Variants in FARP1 observed in about 807,000 individuals in gnomAD.
FARP1 encodes the protein FERM, ARHGEF and pleckstrin domain-containing protein 1.
FARP1 carries 52 observed loss-of-function variants against 128.8 expected under a neutral mutation model. The ratio of observed to expected loss-of-function variants is 0.40; its 90% confidence interval spans 0.32 to 0.51. The LOEUF is 0.51. Among genes scored for constraint, FARP1 ranks in the 20% least tolerant of loss-of-function variants. The pLI is 0.45. For synonymous variants in FARP1, 580 were observed against 551.8 expected (o/e 1.05, Z -0.72); for missense variants, 1,333 against 1,367.9 (o/e 0.97, Z 0.40).
intron 12 of FARP1, 126 bp downstream of exon 12, chr13:98,393,844 C>A: frequency 1.4e-6 from 1 of 722,906 alleles, no homozygotes. Flanking sequence ...AGATGAGAAT[C>A]TGATTATGGG....
intron 2 of FARP1, among the ~76,000 whole-genome samples, chr13:98,226,269 G>C (rs887852265): frequency 2.0e-5 from 3 of 152,156 alleles, no homozygotes; most frequent in African/African-American, 4.8e-5. Context: ...GGCATTCCTT[G>C]GTTTATAGAT....
At chr13:98,335,672 A>T (rs753065168) in intron 2 of FARP1, among the ~76,000 whole-genome samples, 1 of 152,178 alleles carries the variant, frequency 6.6e-6, no homozygotes, top group South Asian at 2.1e-4. Flanking sequence ...TGCTCGATAA[A>T]TACACCGCAG....
intron 19 of FARP1, chr13:98,437,866 T>C (rs1892345416): frequency 1.9e-6 from 3 of 1,585,872 alleles, no homozygotes; most frequent in Non-Finnish European, 1.7e-6. Flanking sequence ...AAGGTGAAGA[T>C]GGAATTGGGG....
chr13:98,245,262 G>A (rs1376059800), intron 2 of FARP1: 28 of 984,480 alleles, frequency 2.8e-5, no homozygotes, highest in Non-Finnish European at 3.4e-5. Context: ...ATTGTTAATT[G>A]TAAAGCCATT....
intron 3 of FARP1, among the ~76,000 whole-genome samples, chr13:98,352,747 G>C (rs1888487653): frequency 6.6e-6 from 1 of 152,248 alleles, no homozygotes; most frequent in African/African-American, 2.4e-5. Context: ...GGTGGATCCA[G>C]CTGCCAAATT....
At chr13:98,351,494 G>C (rs553772500) in intron 3 of FARP1, among the ~76,000 whole-genome samples, 405 of 151,798 alleles carry the variant, frequency 2.7e-3, no homozygotes, top group African/African-American at 9.4e-3. Context: ...CGCCTGTAGT[G>C]CCAGCTACTT....
chr13:98,220,428 AC>A (rs951879034), intron 2 of FARP1, among the ~76,000 whole-genome samples: 2 of 152,188 alleles, frequency 1.3e-5, no homozygotes, highest in Admixed American at 1.3e-4. Flanking sequence ...AGCAGAGGGA[AC>A]TTAGCATGTT....
rs779764921 is a variant in FARP1, at chr13:98,390,113, C to T, written c.1012C>T (p.Arg338Trp). ...PVLFSRGSSF[R>W]FSGRTQKQVL... ...CCTCTTTAGCCGGGGGTCATCATTT[C>T]GGTTCAGGTGAGGTCGCCACTTTGT... The change falls in exon 10 of 27, where the codon CGG becomes TGG. Residue 338 changes from arginine (R) to tryptophan (W), a missense_variant. This residue lies in a region of FARP1 where 1,009 missense variants were observed against 969.8 expected (regional missense o/e 1.04). Coordinates refer to ENST00000319562, the MANE Select transcript of FARP1 (RefSeq NM_005766.4). 9 of 1,613,622 alleles carry T rather than the reference C, an allele frequency of 5.6e-6. No individual in the cohort carries two copies. Among genetic ancestry groups the T allele is most frequent in the Non-Finnish European group, 7.6e-6 (9 of 1,179,860 alleles).
intron 2 of FARP1, among the ~76,000 whole-genome samples, chr13:98,264,773 A>G (rs1382603643): frequency 4.6e-5 from 7 of 152,234 alleles, no homozygotes; most frequent in African/African-American, 1.7e-4. Flanking sequence ...TTTTTATTCT[A>G]TAGTTAGAAT....
At chr13:98,440,582 C>T (rs1892482607) in intron 23 of FARP1, 88 bp from the exon 24 acceptor site, 2 of 1,377,682 alleles carry the variant, frequency 1.5e-6, no homozygotes. Context: ...CTGCTGTGAG[C>T]CCCCCAACCT....
intron 2 of FARP1, among the ~76,000 whole-genome samples, chr13:98,269,151 A>G (rs1884274472): frequency 6.6e-6 from 1 of 152,188 alleles, no homozygotes; most frequent in African/African-American, 2.4e-5. Flanking sequence ...TGGTAAAATG[A>G]ACTGCCCTGA....
intron 19 of FARP1, chr13:98,436,086 A>G (rs1892257203): frequency 3.5e-6 from 1 of 285,876 alleles, no homozygotes; most frequent in Non-Finnish European, 7.1e-6. Flanking sequence ...AGTGCATTAA[A>G]TTATGCTAGA....
At chr13:98,400,727 T>C (rs1398485175) in intron 13 of FARP1, 1 of 152,244 alleles carries the variant, frequency 6.6e-6, no homozygotes, top group Non-Finnish European at 1.5e-5. Flanking sequence ...ACTTTCTCTT[T>C]TATGGTCTGT....
chr13:98,334,223 G>T (rs1484291708), intron 2 of FARP1: 30 of 152,196 alleles, frequency 2.0e-4, no homozygotes, highest in Admixed American at 2.0e-3. Flanking sequence ...AGGTGTGCAG[G>T]TATATCAATC....
intron 2 of FARP1, among the ~76,000 whole-genome samples, chr13:98,341,467 A>C (rs1209121274): frequency 6.6e-6 from 1 of 152,120 alleles, no homozygotes; most frequent in African/African-American, 2.4e-5. Flanking sequence ...CCCCGTCTCT[A>C]CTAAAAATAC....
At chr13:98,418,608 T>C (rs532883459) in intron 16 of FARP1, among the ~76,000 whole-genome samples, 33 of 152,254 alleles carry the variant, frequency 2.2e-4, no homozygotes, top group Admixed American at 5.9e-4. Flanking sequence ...TTTGAGCTAG[T>C]TTTTCTTGGA....
At chr13:98,282,755 T>G (rs1884990690) in intron 2 of FARP1, among the ~76,000 whole-genome samples, 1 of 151,902 alleles carries the variant, frequency 6.6e-6, no homozygotes, top group Non-Finnish European at 1.5e-5. Context: ...ATACAAAAAT[T>G]AGCTGGTGTG....
intron 2 of FARP1, among the ~76,000 whole-genome samples, chr13:98,242,010 C>T (rs372294748): frequency 2.6e-5 from 4 of 152,026 alleles, no homozygotes; most frequent in East Asian, 3.9e-4. Context: ...GAGGCTAAGC[C>T]GGGAGGATCG....
intron 2 of FARP1, among the ~76,000 whole-genome samples, chr13:98,298,875 G>A (rs1480590517): frequency 6.6e-6 from 1 of 152,120 alleles, no homozygotes; most frequent in African/African-American, 2.4e-5. Flanking sequence ...TGGTGAGCAG[G>A]CTTTAGGAAT....
Sources: allele counts gnomAD v4.1 joint callset (sites outside exome capture counted in the v4.1 genomes callset), GRCh38; gene constraint gnomAD v4.1.1; regional missense constraint gnomAD v4.1.1; transcripts MANE v1.5; gene names NCBI Gene and HGNC (gene_info 2026-07-23, HGNC 2026-07-21).